APH1A: variants seen among roughly 807,000 people sequenced by gnomAD.
APH1A encodes aph-1A gamma-secretase subunit, also known as gamma-secretase subunit APH-1A.
APH1A carries 16 observed loss-of-function variants against 30.3 expected under a neutral mutation model. The ratio of observed to expected loss-of-function variants is 0.53; its 90% CI spans 0.36 to 0.80. APH1A has a LOEUF of 0.80. Among genes scored for constraint, APH1A ranks in the 30% least tolerant of loss-of-function variants. The pLI, the probability that APH1A is intolerant of heterozygous loss-of-function variation, is 0.01. For synonymous variants in APH1A, 144 were observed against 140.1 expected, an observed-to-expected ratio of 1.03 and a Z score of -0.20; for missense variants, 245 against 337.8, an observed-to-expected ratio of 0.73 and a Z score of 2.15.
chr1:150,267,194 T>C lies in APH1A; in HGVS notation c.490A>G (p.Thr164Ala). The change falls in exon 5 of 7, where the codon ACA becomes GCA. Residue 164 changes from threonine (T) to alanine (A), a missense_variant. Coordinates refer to ENST00000369109, the MANE Select transcript of APH1A (RefSeq NM_001077628.3). The part of the protein sequence containing the change: ...PYYFLTSAFL[T>A]AAIILLHTFW... Reference sequence around the variant, plus strand: ...GTATGGAGCAGGATAATGGCTGCTGTCAGAAAGGCTGCAGGGAGGGAGATG... The same window carrying C: ...GTATGGAGCAGGATAATGGCTGCTGCCAGAAAGGCTGCAGGGAGGGAGATG... 1 of 1,614,086 alleles carries C rather than the reference T, an allele frequency of 6.2e-7. No individual in the cohort carries two copies. The highest frequency in any genetic ancestry group is 2.2e-5 in the East Asian group (1 of 44,882).
At position 150,265,640 on chromosome 1, in the gene APH1A, T is replaced by A. The variant is rs587697424; in HGVS notation, c.*490A>T. On this transcript the variant is annotated 3_prime_UTR_variant, in exon 7 of 7. Transcript: ENST00000369109. ...TCACCACAGCACCCTCCACTTCACCTTGGGGAGAGGAGGGATGCTGGTGGT... is the reference window on the plus strand; with the variant it reads ...TCACCACAGCACCCTCCACTTCACCATGGGGAGAGGAGGGATGCTGGTGGT... 1 of 154,552 alleles carries A rather than the reference T, an allele frequency of 6.5e-6. No homozygotes were observed. The highest frequency in any genetic ancestry group is 2.4e-5 in the African/African-American group (1 of 41,436). The allele number at this position is 154,552 out of a possible 1,614,324, so 9.6% of individuals were successfully genotyped here. A position where few individuals can be genotyped will look rare whatever the true frequency, so the allele number is the denominator to read the frequency against.
Position 150,266,138 on chromosome 1 carries a change from C to T in APH1A, c.790G>A (p.Glu264Lys), listed in dbSNP as rs782434457. Reference sequence around the variant, plus strand: ...GTCCCCCCTAGGTTCCCTCAGTCCTCGGGTGGGATGCGCAGGGCAGAATAC... The same window carrying T: ...GTCCCCCCTAGGTTCCCTCAGTCCTTGGGTGGGATGCGCAGGGCAGAATAC... ...MVYSALRIPPED is the reference protein window; with the variant it reads ...MVYSALRIPPKD Residue 264 changes from glutamate (E) to lysine (K), a missense_variant, in exon 7 of 7, where the codon GAG becomes AAG. Transcript: ENST00000369109. 1.2e-5 allele frequency: 19 copies of T among 1,598,340 alleles called. No homozygotes were observed. Among genetic ancestry groups the T allele is most frequent in the African/African-American group, 5.4e-5 (4 of 74,606 alleles).
At chr1:150,267,040 T>G in intron 5 of APH1A, 35 bp downstream of exon 5, 1 of 1,612,554 alleles carries the variant, frequency 6.2e-7, no homozygotes, top group South Asian at 1.1e-5. Flanking sequence ...ATTAAATGCT[T>G]TTCTCCCTAA....
Position 150,268,125 on chromosome 1 carries a change from G to A in APH1A, c.116C>T (p.Ala39Val). The A allele has an allele frequency of 1.2e-6, 2 of 1,613,590 alleles. No homozygotes were observed. The highest frequency in any genetic ancestry group is 1.7e-6 in the Non-Finnish European group (2 of 1,179,806). The stretch of plus-strand genomic sequence containing the variant: ...GAGCAGGGAGACCAGCCAGAAAAAT[G>A]CCCTGAGAAAAGACAGGGGCAGTGA... ...PLRVIILVAG[A>V]FFWLVSLLLA... The change falls in exon 2 of 7, where the codon GCA becomes GTA. Residue 39 changes from alanine (A) to valine (V), a missense_variant and splice_region_variant. By Grantham distance (64) the Ala-to-Val change is moderately conservative. Coordinates refer to ENST00000369109, the MANE Select transcript of APH1A (RefSeq NM_001077628.3).
rs1441398462 is a variant in APH1A, at chr1:150,268,778, G to A, written c.33C>T (p.Phe11=). ...GCGCGAAGGCCGGGCCGAACGCGAC[G>A]AAAGTGCAGCCGAAAAACACCGCAG... MGAAVFFGCT[F]VAFGPAFALF... The change falls in exon 1 of 7, where the codon TTC becomes TTT. Residue 11 remains phenylalanine (F), a synonymous_variant. Transcript: ENST00000369109. 1 of 1,613,770 alleles carries A rather than the reference G, an allele frequency of 6.2e-7. No homozygotes were observed. The highest frequency in any genetic ancestry group is 8.5e-7 in the Non-Finnish European group (1 of 1,179,874).
chr1:150,268,674 G>T, intron 1 of APH1A, 24 bp downstream of exon 1: 1 of 1,594,700 alleles, frequency 6.3e-7, no homozygotes. Flanking sequence ...ACGCTCTCCC[G>T]CGTCTCCCGG....
chr1:150,266,492 T>C, intron 6 of APH1A, 41 bp downstream of exon 6: 1 of 1,610,444 alleles, frequency 6.2e-7, no homozygotes, highest in South Asian at 1.1e-5. Flanking sequence ...GACAGGCAGG[T>C]GGGATCTGTC....
intron 6 of APH1A, 116 bp downstream of exon 6, chr1:150,266,417 C>A (rs200341358): frequency 8.4e-6 from 13 of 1,554,148 alleles, no homozygotes; most frequent in Non-Finnish European, 1.1e-5. Flanking sequence ...GGTAGACCGA[C>A]GAGAAGGAGA....
chr1:150,268,358 A>T (rs1651919933), intron 1 of APH1A: 3 of 623,934 alleles, frequency 4.8e-6, no homozygotes, highest in Non-Finnish European at 8.2e-6. Context: ...TGACAGCCAG[A>T]GTGTGCGAGC....
intron 6 of APH1A, 80 bp downstream of exon 6, chr1:150,266,453 G>A (rs1405096961): frequency 3.1e-6 from 5 of 1,597,584 alleles, no homozygotes; most frequent in East Asian, 4.5e-5. Context: ...ATGGACCCGG[G>A]CTGGGGCTGG....
chr1:150,268,188 G>A (rs2101853600), intron 1 of APH1A, 61 bp from the exon 2 acceptor site: 1 of 1,570,550 alleles, frequency 6.4e-7, no homozygotes, highest in South Asian at 1.1e-5. Context: ...AAATCAAGGA[G>A]GGAAACCAGC....
At position 150,267,202 on chromosome 1, in the gene APH1A, G is replaced by T; in HGVS notation, c.482C>A (p.Ala161Asp). 6.2e-7 allele frequency: 1 copy of T among 1,614,184 alleles called. No individual in the cohort carries two copies. The highest frequency in any genetic ancestry group is 1.1e-5 in the South Asian group (1 of 91,080). ...CAGGATAATGGCTGCTGTCAGAAAG[G>T]CTGCAGGGAGGGAGATGGGGAGGAG... ...GDSPYYFLTS[A>D]FLTAAIILLH... is the part of the protein sequence containing the mutation. The change falls in exon 5 of 7, where the codon GCC becomes GAC. Residue 161 changes from alanine (A) to aspartate (D), a missense_variant and splice_region_variant. Physicochemically the swap from Ala to Asp is moderately radical, Grantham distance 126. Transcript: ENST00000369109.
chr1:150,266,772 C>T lies in APH1A; in HGVS notation c.610-116G>A, dbSNP rs781927661. 4.7e-6 allele frequency: 6 copies of T among 1,290,022 alleles called. No individual in the cohort carries two copies. In the South Asian group the frequency reaches 6.0e-5, roughly 13 times the overall value. The allele number at this position is 1,290,022 out of a possible 1,614,324, so 79.9% of individuals were successfully genotyped here. A position where few individuals can be genotyped will look rare whatever the true frequency, so the allele number is the denominator to read the frequency against. On this transcript the variant is annotated intron_variant, in intron 5 of 6. Transcript: ENST00000369109. ...CTCTCTCAAATTCTCCAGTCTTTCC[C>T]TTCAGAGCACCAACATCTTGTGGTT...
chr1:150,268,654 T>G, intron 1 of APH1A, 44 bp downstream of exon 1: 1 of 1,565,238 alleles, frequency 6.4e-7, no homozygotes, highest in Non-Finnish European at 8.7e-7. Context: ...CTTCCGCACC[T>G]CTCTCTTCGA....
At chr1:150,267,630 C>T in intron 3 of APH1A, 86 bp downstream of exon 3, 2 of 1,569,856 alleles carry the variant, frequency 1.3e-6, no homozygotes, top group Non-Finnish European at 1.7e-6. Flanking sequence ...AAGTAAGAAG[C>T]CACTTAGAAC....
In APH1A at chr1:150,268,169, G is replaced by A. The variant is rs1311416091; in HGVS notation, c.114-42C>T. The A allele has an allele frequency of 4.4e-6, 7 of 1,592,002 alleles. No homozygotes were observed. The Middle Eastern group carries it at 7.6e-4, about 173-fold the overall frequency. ...GCAGTGAGACAAGCAATAGTAGTGGGAGCCAGAGAAATCAAGGAGGGAAAC... is the reference window on the plus strand; with the variant it reads ...GCAGTGAGACAAGCAATAGTAGTGGAAGCCAGAGAAATCAAGGAGGGAAAC... On this transcript the variant is annotated intron_variant, in intron 1 of 6. Transcript: ENST00000369109.
rs1553850169 is a variant in APH1A, at chr1:150,267,482, G to A, written c.359-4C>T. ...ATACCGAAGGAGAGACCAGAAACTG[G>A]GGGAAGGGAGGATCTCATCAATGTC... On this transcript the variant is annotated splice_polypyrimidine_tract_variant and splice_region_variant and intron_variant, in intron 3 of 6. Coordinates refer to ENST00000369109, the MANE Select transcript of APH1A (RefSeq NM_001077628.3). The A allele has an allele frequency of 6.2e-7, 1 of 1,613,894 alleles. No individual in the cohort carries two copies. Among genetic ancestry groups the A allele is most frequent in the Admixed American group, 1.7e-5 (1 of 59,998 alleles).
chr1:150,268,632 T>C lies in APH1A; in HGVS notation c.113+66A>G, dbSNP rs1176654653. 4 of 1,489,730 alleles carry C rather than the reference T, an allele frequency of 2.7e-6. No homozygotes were observed. In the African/African-American group the frequency reaches 5.6e-5, roughly 21 times the overall value. The allele number at this position is 1,489,730 out of a possible 1,614,324, so 92.3% of individuals were successfully genotyped here. ...ATTCAGGCTCCCAGGCTTGCCCCAG[T>C]TCCTCCAGCCCCTTCCGCACCTCTC... On this transcript the variant is annotated intron_variant, in intron 1 of 6. Coordinates refer to ENST00000369109, the MANE Select transcript of APH1A (RefSeq NM_001077628.3).
Position 150,266,012 on chromosome 1 carries a change from A to G in APH1A, c.*118T>C. On this transcript the variant is annotated 3_prime_UTR_variant, in exon 7 of 7. Coordinates refer to ENST00000369109, the MANE Select transcript of APH1A (RefSeq NM_001077628.3). ...CTCCATTAATTTCATCTCCAGGGCA[A>G]TGGCTAAACTAGGTCCCTTTTCTTG... is the stretch of plus-strand genomic sequence containing the variant. The G allele has an allele frequency of 8.2e-7, 1 of 1,218,192 alleles. No homozygotes were observed. Among genetic ancestry groups the G allele is most frequent in the Non-Finnish European group, 1.1e-6 (1 of 881,962 alleles). The allele number at this position is 1,218,192 out of a possible 1,614,324, so 75.5% of individuals were successfully genotyped here. A position where few individuals can be genotyped will look rare whatever the true frequency, so the allele number is the denominator to read the frequency against.
Sources: allele counts gnomAD v4.1 joint callset, GRCh38; gene constraint gnomAD v4.1.1; transcripts MANE v1.5; gene names NCBI Gene and HGNC (gene_info 2026-07-23, HGNC 2026-07-21).